DMD: variants seen among roughly 807,000 people sequenced by gnomAD.
DMD encodes dystrophin.
In DMD, 63 loss-of-function variants were observed where a neutral mutation model predicts 330.1. That is an observed-to-expected ratio of 0.19 (90% CI 0.16 to 0.24). The LOEUF (loss-of-function observed/expected upper bound fraction) is 0.24, where lower values mean the gene tolerates loss of function less well. Among genes scored for constraint, DMD ranks in the 10% least tolerant of loss-of-function variants. DMD has a pLI of 1.00. For missense variants in DMD, 3,344 were observed against 2,684.1 expected (o/e 1.25, Z -5.43); for synonymous variants, 1,223 against 959.8 (o/e 1.27, Z -5.07).
intron 60 of DMD, among the ~76,000 whole-genome samples, chrX:31,398,882 C>G (rs2061061446): frequency 9.0e-6 from 1 of 111,695 alleles, no homozygotes; most frequent in Non-Finnish European, 1.9e-5. Context: ...GCAAACTCCA[C>G]TCACTCGCTG....
At position 32,885,667 on chromosome X, in the gene DMD, ACAATGTG is replaced by A. The variant is rs1412387370; in HGVS notation, c.94-35854_94-35848del. Among the ~76,000 whole-genome samples, 5 of 110,997 alleles carry A rather than the reference ACAATGTG, an allele frequency of 4.5e-5. No homozygotes were observed. The East Asian group carries it at 1.4e-3, about 31-fold the overall frequency. On this transcript the variant is annotated intron_variant, in intron 2 of 78. Transcript: ENST00000357033. ...ATGATGTTGTTAAATAAAGAAACTT[ACAATGTG>A]TTGAAATTTCCCTATTGGAGAATTA...
At chrX:33,330,289 T>C (rs1375982381) in intron 1 of DMD, among the ~76,000 whole-genome samples, 4 of 111,230 alleles carry the variant, frequency 3.6e-5, no homozygotes, top group Non-Finnish European at 7.5e-5. Context: ...ATCAATTAAA[T>C]TGGAAGATGT....
chrX:32,156,612 C>G (rs2096831246), intron 44 of DMD, among the ~76,000 whole-genome samples: 1 of 100,159 alleles, frequency 1.0e-5, no homozygotes, highest in Non-Finnish European at 2.0e-5. Flanking sequence ...TATACGTATA[C>G]TTTTGAATGA....
At chrX:31,894,792 C>G (rs1169742625) in intron 47 of DMD, among the ~76,000 whole-genome samples, 1 of 111,692 alleles carries the variant, frequency 9.0e-6, no homozygotes, top group East Asian at 2.8e-4. Context: ...TTTGTATGAA[C>G]TGAAGCTGGA....
intron 7 of DMD, among the ~76,000 whole-genome samples, chrX:32,727,157 A>G (rs1369851830): frequency 9.0e-6 from 1 of 111,578 alleles, no homozygotes; most frequent in African/African-American, 3.2e-5. Context: ...GATCTGCTTC[A>G]GAAACACTTC....
chrX:32,864,299 G>C (rs1254123760), intron 2 of DMD, among the ~76,000 whole-genome samples: 1 of 111,514 alleles, frequency 9.0e-6, no homozygotes, highest in African/African-American at 3.3e-5. Context: ...AGGTCACACA[G>C]CAAGTAAGTG....
chrX:32,697,105 T>C (rs771967357), intron 9 of DMD, among the ~76,000 whole-genome samples: 21 of 111,779 alleles, frequency 1.9e-4, no homozygotes, highest in African/African-American at 6.8e-4. Context: ...TTGGCTCCAT[T>C]GAGCAAAATA....
At chrX:32,836,126 G>T (rs1038439199) in intron 4 of DMD, among the ~76,000 whole-genome samples, 2 of 109,619 alleles carry the variant, frequency 1.8e-5, no homozygotes, top group African/African-American at 6.7e-5. Context: ...CCGCCTCATG[G>T]GTTCAAGTGA....
At chrX:31,787,853 C>T (rs768245631) in intron 50 of DMD, among the ~76,000 whole-genome samples, 152 of 111,833 alleles carry the variant, frequency 1.4e-3, no homozygotes, top group African/African-American at 4.9e-3. Context: ...AGAAGTGCGA[C>T]AACTACCAAC....
At chrX:32,216,156 T>C (rs2097111593) in intron 44 of DMD, among the ~76,000 whole-genome samples, 1 of 112,070 alleles carries the variant, frequency 8.9e-6, no homozygotes, top group Non-Finnish European at 1.9e-5. Context: ...TGATTGACTA[T>C]TGCAACATGA....
chrX:32,316,785 C>G (rs957103524), intron 41 of DMD, among the ~76,000 whole-genome samples: 5 of 110,417 alleles, frequency 4.5e-5, no homozygotes, highest in Non-Finnish European at 9.5e-5. Context: ...CAAAAGAGAA[C>G]CAGACATTTG....
intron 30 of DMD, among the ~76,000 whole-genome samples, chrX:32,411,143 CTTTTTA>C (rs201104296): frequency 0.024 from 2,651 of 111,038 alleles, 83 homozygotes; most frequent in African/African-American, 0.075. Context: ...TTCTTTTTTT[CTTTTTA>C]TAAGATAGAG....
intron 59 of DMD, among the ~76,000 whole-genome samples, chrX:31,458,716 G>C (rs1173870704): frequency 1.8e-5 from 2 of 110,132 alleles, no homozygotes; most frequent in African/African-American, 6.6e-5. Flanking sequence ...GTAGGAAAAA[G>C]AGTTCAAAAC....
At chrX:32,703,959 C>T (rs1044349102) in intron 7 of DMD, among the ~76,000 whole-genome samples, 1 of 111,517 alleles carries the variant, frequency 9.0e-6, no homozygotes, top group East Asian at 2.8e-4. Flanking sequence ...AAAATGCTCA[C>T]GGACACCAGA....
intron 55 of DMD, 27 bp from the exon 56 acceptor site, chrX:31,507,480 G>A (rs1231650543): frequency 8.6e-6 from 10 of 1,166,079 alleles, no homozygotes; most frequent in Middle Eastern, 2.3e-4. Context: ...AGAAGAATAT[G>A]TGCAGAATTA....
intron 2 of DMD, among the ~76,000 whole-genome samples, chrX:32,924,572 C>A: frequency 9.0e-6 from 1 of 111,591 alleles, no homozygotes; most frequent in East Asian, 2.8e-4. Context: ...ACTAGTTTTA[C>A]CTGAGTTCCT....
intron 1 of DMD, among the ~76,000 whole-genome samples, chrX:33,057,902 A>C (rs965432174): frequency 8.9e-6 from 1 of 111,847 alleles, no homozygotes; most frequent in African/African-American, 3.3e-5. Flanking sequence ...TTTTTGAGAC[A>C]AAGTCTCGCT....
chrX:31,650,108 G>T, intron 54 of DMD, among the ~76,000 whole-genome samples: 1 of 101,498 alleles, frequency 9.9e-6, no homozygotes, highest in South Asian at 4.5e-4. Flanking sequence ...CTACAAACTT[G>T]GCTTTTTTTT....
At chrX:31,740,963 A>G (rs978251593) in intron 51 of DMD, among the ~76,000 whole-genome samples, 3 of 112,059 alleles carry the variant, frequency 2.7e-5, no homozygotes, top group Admixed American at 9.5e-5. Flanking sequence ...AAGTTTATGG[A>G]ATATTCTAAA....
Sources: gnomAD v4.1 joint callset for allele counts (sites outside exome capture counted in the v4.1 genomes callset) on GRCh38, gnomAD v4.1.1 for gene constraint, MANE v1.5 for transcripts, NCBI Gene and HGNC (gene_info 2026-07-23, HGNC 2026-07-21) for gene names.